Variants in UNC13C observed in about 807,000 individuals in gnomAD.
The protein encoded by UNC13C is protein unc-13 homolog C.
UNC13C carries 174 observed loss-of-function variants against 245.4 expected under a neutral mutation model. The ratio of observed to expected loss-of-function variants is 0.71; its 90% CI spans 0.63 to 0.80. UNC13C has a LOEUF of 0.80. Ranked by LOEUF, UNC13C falls within the 30% of genes least tolerant of loss-of-function variation. The pLI is 0.00. For synonymous variants in UNC13C, 992 were observed against 895.1 expected (o/e 1.11, Z -1.93); for missense variants, 2,829 against 2,602.9 (o/e 1.09, Z -1.89).
intron 2 of UNC13C, among the ~76,000 whole-genome samples, chr15:54,036,455 G>A (rs776676637): frequency 2.4e-4 from 36 of 152,178 alleles, no homozygotes; most frequent in Non-Finnish European, 4.6e-4. Context: ...AGCCATTAGG[G>A]ACTGCATCTC....
At chr15:54,044,064 T>G (rs1184874379) in intron 2 of UNC13C, among the ~76,000 whole-genome samples, 2 of 152,220 alleles carry the variant, frequency 1.3e-5, no homozygotes, top group Non-Finnish European at 2.9e-5. Context: ...CCATGTTTAT[T>G]GTCGTCACTC....
At chr15:53,911,751 A>T in the UNC13C span, 1 of 152,234 alleles carries the variant, frequency 6.6e-6, no homozygotes, top group South Asian at 2.1e-4. Context: ...TCATATACTG[A>T]TTTGGTGCAG....
intron 4 of UNC13C, among the ~76,000 whole-genome samples, chr15:54,167,186 T>C (rs2033191150): frequency 1.3e-5 from 2 of 152,024 alleles, no homozygotes; most frequent in Non-Finnish European, 2.9e-5. Flanking sequence ...ATTTTTGACA[T>C]AAATGATAAA....
At chr15:54,286,782 T>A (rs2037161384) in intron 10 of UNC13C, among the ~76,000 whole-genome samples, 1 of 152,112 alleles carries the variant, frequency 6.6e-6, no homozygotes, top group South Asian at 2.1e-4. Context: ...ACCTGTAAAT[T>A]AGAAACTAAA....
chr15:54,171,674 C>T (rs1456608909), intron 4 of UNC13C, among the ~76,000 whole-genome samples: 1 of 152,010 alleles, frequency 6.6e-6, no homozygotes, highest in African/African-American at 2.4e-5. Context: ...ATTAGTACAA[C>T]CACTTTGGAG....
chr15:54,285,033 C>T (rs575997769), intron 10 of UNC13C, among the ~76,000 whole-genome samples: 11 of 152,146 alleles, frequency 7.2e-5, no homozygotes, highest in African/African-American at 2.6e-4. Flanking sequence ...ATATTTTGCC[C>T]TTTGTTTCTA....
chr15:54,413,859 G>A (rs1273790479), intron 18 of UNC13C, among the ~76,000 whole-genome samples: 1 of 152,068 alleles, frequency 6.6e-6, no homozygotes, highest in African/African-American at 2.4e-5. Context: ...AGCTAGCTCT[G>A]TTCTTTGATA....
chr15:53,847,093 C>T, the UNC13C span, among the ~76,000 whole-genome samples: 1 of 152,080 alleles, frequency 6.6e-6, no homozygotes, highest in African/African-American at 2.4e-5. Flanking sequence ...CAAAAAACAA[C>T]AAATGCTCAA....
chr15:54,547,623 C>T (rs1036807941), intron 27 of UNC13C, among the ~76,000 whole-genome samples: 4 of 152,086 alleles, frequency 2.6e-5, no homozygotes, highest in African/African-American at 7.2e-5. Context: ...AAGCATATGC[C>T]TAGAAAACAC....
intron 4 of UNC13C, among the ~76,000 whole-genome samples, chr15:54,149,874 T>A (rs1364589423): frequency 6.6e-6 from 1 of 152,184 alleles, no homozygotes; most frequent in East Asian, 1.9e-4. Flanking sequence ...AGCATTTACA[T>A]TGTATTTGGT....
chr15:54,489,483 A>G (rs1893594338), intron 19 of UNC13C, among the ~76,000 whole-genome samples: 1 of 152,220 alleles, frequency 6.6e-6, no homozygotes, highest in Non-Finnish European at 1.5e-5. Context: ...GCCTCAATGT[A>G]TGTGTGTATA....
the UNC13C span, among the ~76,000 whole-genome samples, chr15:53,916,722 A>C: frequency 6.6e-6 from 1 of 152,248 alleles, no homozygotes; most frequent in Admixed American, 6.5e-5. Flanking sequence ...GTGCATTTTA[A>C]ATGTTTCAAA....
rs74334194 is a variant in UNC13C at position 54,296,661 on chromosome 15, C to T, written c.3989-1150C>T. On this transcript the variant is annotated intron_variant, in intron 11 of 32. Coordinates refer to ENST00000260323, the MANE Select transcript of UNC13C (RefSeq NM_001080534.3). ...TAACAGTGAAAAGTCAGCAGACATTCCACAAGAGGGAAGTCATCTTCATGG... is the reference window on the plus strand; with the variant it reads ...TAACAGTGAAAAGTCAGCAGACATTTCACAAGAGGGAAGTCATCTTCATGG... Among the ~76,000 whole-genome samples, 607 of 152,222 alleles carry T rather than the reference C, an allele frequency of 4.0e-3. 11 individuals carry two copies. The highest frequency in any genetic ancestry group is 3.0e-3 in the Non-Finnish European group (201 of 68,004).
intron 13 of UNC13C, chr15:54,320,959 C>T (rs2038139014): frequency 5.0e-6 from 2 of 398,440 alleles, no homozygotes; most frequent in Non-Finnish European, 4.9e-6. Flanking sequence ...CCATTATATT[C>T]ATCCCCACTG....
At chr15:54,478,923 C>G (rs988206030) in intron 19 of UNC13C, among the ~76,000 whole-genome samples, 3 of 151,834 alleles carry the variant, frequency 2.0e-5, no homozygotes, top group African/African-American at 7.3e-5. Flanking sequence ...TTAAAGTCTC[C>G]CATTATTAAT....
At chr15:54,395,301 T>G (rs1196414971) in intron 18 of UNC13C, among the ~76,000 whole-genome samples, 1 of 151,882 alleles carries the variant, frequency 6.6e-6, no homozygotes, top group African/African-American at 2.4e-5. Context: ...TTACTTTGTT[T>G]GAATACTGCA....
the UNC13C span, among the ~76,000 whole-genome samples, chr15:53,936,810 GTTAAAGAAAAACA>G: frequency 1.3e-5 from 2 of 152,122 alleles, no homozygotes; most frequent in African/African-American, 4.8e-5. Flanking sequence ...TGGCCTGTTT[GTTAAAGAAAAACA>G]AATGGAAATC....
At chr15:54,615,050 G>A (rs3848140) in intron 30 of UNC13C, among the ~76,000 whole-genome samples, 62,555 of 151,696 alleles carry the variant, frequency 0.41, 14,399 homozygotes, top group East Asian at 0.55. Context: ...GATGTATTTA[G>A]ACATAGATTT....
intron 2 of UNC13C, among the ~76,000 whole-genome samples, chr15:54,122,940 A>G (rs972768556): frequency 6.6e-6 from 1 of 152,058 alleles, no homozygotes. Context: ...ATTCATGTGA[A>G]CATGTATTTT....
Sources: allele counts gnomAD v4.1 joint callset (sites outside exome capture counted in the v4.1 genomes callset), GRCh38; gene constraint gnomAD v4.1.1; transcripts MANE v1.5; gene names NCBI Gene and HGNC (gene_info 2026-07-23, HGNC 2026-07-21).